KIF26B: variants seen among roughly 807,000 people sequenced by gnomAD.
KIF26B encodes kinesin family member 26B, also known as kinesin-like protein KIF26B.
In KIF26B, 63 loss-of-function variants were observed where a neutral mutation model predicts 151.2. The observed-to-expected ratio is 0.42, with a 90% CI of 0.34 to 0.51. The LOEUF is 0.51. Ranked by LOEUF, KIF26B falls within the 20% of genes least tolerant of loss-of-function variation. KIF26B has a pLI of 0.07. For synonymous variants in KIF26B, 1,357 were observed against 1,262.1 expected, an observed-to-expected ratio of 1.08 and a Z score of -1.59; for missense variants, 2,813 against 2,913.6, an observed-to-expected ratio of 0.97 and a Z score of 0.79.
intron 3 of KIF26B, among the ~76,000 whole-genome samples, chr1:245,397,044 T>C (rs773375716): frequency 1.3e-5 from 2 of 150,534 alleles, no homozygotes; most frequent in African/African-American, 2.4e-5. Flanking sequence ...CTGTAGCCTC[T>C]ACCACCCTAG....
At chr1:245,344,162 C>A (rs552217528) in intron 2 of KIF26B, among the ~76,000 whole-genome samples, 1 of 150,600 alleles carries the variant, frequency 6.6e-6, no homozygotes, top group Non-Finnish European at 1.5e-5. Flanking sequence ...CTCTCCTTCC[C>A]CCTCCCTGTC....
At chr1:245,690,740 TG>T (rs199665870) in intron 12 of KIF26B, among the ~76,000 whole-genome samples, 74 of 149,710 alleles carry the variant, frequency 4.9e-4, no homozygotes, top group East Asian at 4.4e-3. Flanking sequence ...TTTATTTGCC[TG>T]GGGGGGGGGT....
chr1:245,336,156 A>G (rs1415224216), intron 2 of KIF26B, among the ~76,000 whole-genome samples: 1 of 151,422 alleles, frequency 6.6e-6, no homozygotes, highest in East Asian at 2.0e-4. Context: ...CCATGCAGGG[A>G]AAGAAGGTCC....
intron 10 of KIF26B, among the ~76,000 whole-genome samples, chr1:245,659,616 G>A (rs2044112270): frequency 6.6e-6 from 1 of 152,156 alleles, no homozygotes; most frequent in Non-Finnish European, 1.5e-5. Context: ...ACTAGTCTAA[G>A]CATTAGGGCT....
chr1:245,463,323 AT>A (rs1659695954), intron 4 of KIF26B, among the ~76,000 whole-genome samples: 1 of 152,184 alleles, frequency 6.6e-6, no homozygotes, highest in Non-Finnish European at 1.5e-5. Context: ...TACTTGCCAG[AT>A]CTCATGGCTA....
chr1:245,346,073 C>T (rs965309669), intron 2 of KIF26B, among the ~76,000 whole-genome samples: 5 of 151,712 alleles, frequency 3.3e-5, no homozygotes, highest in Admixed American at 6.6e-5. Flanking sequence ...GCCGGGATTA[C>T]AGGCACCTGC....
At chr1:245,337,518 ATGTGTGTGTGTGTGTG>A (rs74163041) in intron 2 of KIF26B, among the ~76,000 whole-genome samples, 29,503 of 145,488 alleles carry the variant, frequency 0.2, 3,809 homozygotes, top group African/African-American at 0.33. Flanking sequence ...TACTTAGGAA[ATGTGTGTGTGTGTGTG>A]TGTGTGTGTG....
intron 9 of KIF26B, among the ~76,000 whole-genome samples, chr1:245,640,475 C>A (rs1347388369): frequency 6.6e-6 from 1 of 151,784 alleles, no homozygotes; most frequent in Non-Finnish European, 1.5e-5. Context: ...TCAGCCACTC[C>A]ATGTCTTTTA....
At chr1:245,212,651 G>T (rs1669563108) in intron 2 of KIF26B, among the ~76,000 whole-genome samples, 2 of 147,554 alleles carry the variant, frequency 1.4e-5, no homozygotes, top group South Asian at 2.3e-4. Context: ...AGTTCAGCGA[G>T]TTTCCCCTTG....
At chr1:245,517,869 A>ATTTT (rs549396811) in intron 4 of KIF26B, among the ~76,000 whole-genome samples, 1 of 131,024 alleles carries the variant, frequency 7.6e-6, no homozygotes, top group African/African-American at 3.0e-5. Context: ...GTGTCATGTA[A>ATTTT]TTTTTTTTTT....
chr1:245,204,261 T>C (rs1669356253), intron 2 of KIF26B, among the ~76,000 whole-genome samples: 1 of 152,164 alleles, frequency 6.6e-6, no homozygotes, highest in Non-Finnish European at 1.5e-5. Context: ...ATGGTAATAA[T>C]TCATACAGGA....
At position 245,609,524 on chromosome 1, in the gene KIF26B, C is replaced by G; in HGVS notation, c.1910C>G (p.Thr637Arg). The change falls in exon 8 of 15, where the codon ACG becomes AGG. Residue 637 changes from threonine to arginine, a missense_variant. By Grantham distance (71) the Thr-to-Arg change is moderately conservative (BLOSUM62 -1). This residue lies in a region of KIF26B where 2,060 missense variants were observed against 2,088.6 expected (regional missense o/e 0.99). Coordinates refer to ENST00000407071, the MANE Select transcript of KIF26B (RefSeq NM_018012.4). ...VYLCEDPICGTQLQNQSELRA... is the reference protein window; with the variant it reads ...VYLCEDPICGRQLQNQSELRA... The stretch of plus-strand genomic sequence containing the variant: ...CTCTGTGAGGACCCCATCTGCGGCA[C>G]GCAGGTGATTGCTTCTGAAGCCTGG... 6.5e-7 allele frequency: 1 copy of G among 1,540,752 alleles called. No individual in the cohort carries two copies.
At chr1:245,208,069 TTC>T (rs1669441685) in intron 2 of KIF26B, among the ~76,000 whole-genome samples, 1 of 152,172 alleles carries the variant, frequency 6.6e-6, no homozygotes, top group African/African-American at 2.4e-5. Flanking sequence ...TGACAGATAA[TTC>T]TCTGTTAATC....
At chr1:245,347,613 C>T (rs543075861) in intron 2 of KIF26B, among the ~76,000 whole-genome samples, 142 of 152,312 alleles carry the variant, frequency 9.3e-4, no homozygotes, top group Middle Eastern at 6.8e-3. Flanking sequence ...TGCACTTGGC[C>T]TGTTCCATTT....
intron 4 of KIF26B, among the ~76,000 whole-genome samples, chr1:245,503,674 G>A (rs567181791): frequency 2.0e-5 from 3 of 152,200 alleles, no homozygotes; most frequent in Non-Finnish European, 2.9e-5. Context: ...ATGACTGTCC[G>A]TATCGGAGAG....
intron 3 of KIF26B, among the ~76,000 whole-genome samples, chr1:245,383,632 C>G (rs947393436): frequency 3.3e-5 from 5 of 152,196 alleles, no homozygotes; most frequent in African/African-American, 1.2e-4. Context: ...AGTGCTTCAT[C>G]ATAGTTTATG....
intron 12 of KIF26B, among the ~76,000 whole-genome samples, chr1:245,692,724 A>G (rs1394259546): frequency 2.0e-5 from 3 of 152,240 alleles, no homozygotes; most frequent in African/African-American, 7.2e-5. Context: ...GAATATCAGT[A>G]TATTATTGTA....
At chr1:245,194,068 G>A (rs533019965) in intron 2 of KIF26B, among the ~76,000 whole-genome samples, 8 of 152,158 alleles carry the variant, frequency 5.3e-5, no homozygotes, top group Non-Finnish European at 1.2e-4. Flanking sequence ...AGCATTCCAC[G>A]TAGGACACTG....
At chr1:245,185,640 A>G (rs1420614622) in intron 2 of KIF26B, among the ~76,000 whole-genome samples, 1 of 152,178 alleles carries the variant, frequency 6.6e-6, no homozygotes, top group East Asian at 1.9e-4. Flanking sequence ...TCATCTGGCA[A>G]TTTACAGACC....
Sources: gnomAD v4.1 joint callset for allele counts (sites outside exome capture counted in the v4.1 genomes callset) on GRCh38, gnomAD v4.1.1 for gene constraint, gnomAD v4.1.1 regional missense constraint, MANE v1.5 for transcripts, NCBI Gene and HGNC (gene_info 2026-07-23, HGNC 2026-07-21) for gene names.